Variants in MYO1C observed in about 807,000 individuals in gnomAD.
MYO1C encodes unconventional myosin-Ic.
In MYO1C, 104 loss-of-function variants were observed where a neutral mutation model predicts 150.8. The ratio of observed to expected loss-of-function variants is 0.69; its 90% CI spans 0.59 to 0.81. The LOEUF is 0.81. MYO1C is among the 30% of genes least tolerant of loss of function. MYO1C has a pLI of 0.00. For synonymous variants in MYO1C, 663 were observed against 579.9 expected (o/e 1.14, Z -2.06); for missense variants, 1,504 against 1,435.0 (o/e 1.05, Z -0.78).
Position 1,470,311 on chromosome 17 carries a change from C to T in MYO1C, c.2390G>A (p.Arg797His), listed in dbSNP as rs754269769. Residue 797 changes from arginine (R) to histidine (H), a missense_variant, in exon 24 of 32, where the codon CGC (arginine) becomes CAC (histidine). Physicochemically the swap from Arg to His is conservative, Grantham distance 29. Transcript: ENST00000648651. ...GTTCTCGGGGCAGCGGGGGGCGTGG[C>T]GCAGGACGAAGCCTCGGATGAGCCT... ...IRRLIRGFVL[R>H]HAPRCPENAF... 9.5e-5 allele frequency: 147 copies of T among 1,552,894 alleles called. 1 individual carries two copies. Among genetic ancestry groups the T allele is most frequent in the Non-Finnish European group, 1.2e-4 (142 of 1,149,762 alleles).
In MYO1C at chr17:1,467,629, C is replaced by A. The variant is rs115083063; in HGVS notation, c.2968-52G>T. The A allele has an allele frequency of 8.5e-3, 13,192 of 1,545,948 alleles. 930 individuals carry two copies. The African/African-American group carries it at 0.16, about 19-fold the overall frequency. ...CAGGCCCTGCCCAGAACTTGAGGAACCCCCGCCCCACCTCCCCATCCACCT... is the reference window on the plus strand; with the variant it reads ...CAGGCCCTGCCCAGAACTTGAGGAAACCCCGCCCCACCTCCCCATCCACCT... On this transcript the variant is annotated intron_variant, in intron 29 of 31. Coordinates refer to ENST00000648651, the MANE Select transcript of MYO1C (RefSeq NM_001080779.2).
In MYO1C at chr17:1,472,236, G is replaced by A; in HGVS notation, c.1798-8C>T. 6.2e-7 allele frequency: 1 copy of A among 1,613,638 alleles called. No homozygotes were observed. Among genetic ancestry groups the A allele is most frequent in the Non-Finnish European group, 8.5e-7 (1 of 1,179,618 alleles). On this transcript the variant is annotated splice_polypyrimidine_tract_variant and splice_region_variant and intron_variant, in intron 17 of 31. Transcript: ENST00000648651. Reference sequence around the variant, plus strand: ...CTTGAACTGGGTGGCGACCTGGCGAGCCAAGAGGCATGGGAGGTTGGCCGG... The same window carrying A: ...CTTGAACTGGGTGGCGACCTGGCGAACCAAGAGGCATGGGAGGTTGGCCGG...
chr17:1,467,644 C>T (rs1567513069), intron 29 of MYO1C, 67 bp from the exon 30 acceptor site: 1 of 1,467,450 alleles, frequency 6.8e-7, no homozygotes. Flanking sequence ...GCCCCACCTC[C>T]CCATCCACCT....
rs1181518993 is a variant in MYO1C, at chr17:1,479,355, G to A, written c.1092+76C>T. The A allele has an allele frequency of 2.6e-5, 21 of 795,134 alleles. No individual in the cohort carries two copies. The highest frequency in any genetic ancestry group is 6.7e-5 in the African/African-American group (4 of 59,294). 49.3% of individuals were successfully genotyped at this position (795,134 alleles called of 1,614,324 possible). A position where few individuals can be genotyped will look rare whatever the true frequency, so the allele number is the denominator to read the frequency against. ...TCCAGCATTGCTGAGGGAACCAGGC[G>A]AAGGGGAGTGATGGGAGTAGGGGCT... On this transcript the variant is annotated intron_variant, in intron 9 of 31. Coordinates refer to ENST00000648651, the MANE Select transcript of MYO1C (RefSeq NM_001080779.2). This position sits in a 1 kb window ranked among gnomAD's most constrained non-coding sequence, Gnocchi z 4.2.
intron 1 of MYO1C, chr17:1,484,882 A>ACCCCC: frequency 3.7e-6 from 1 of 267,224 alleles, no homozygotes; most frequent in Non-Finnish European, 7.1e-6. Context: ...TCCCACCCAG[A>ACCCCC]CCCACCCCCA....
intron 23 of MYO1C, 45 bp from the exon 24 acceptor site, chr17:1,470,379 G>T (rs1158779426): frequency 6.5e-6 from 10 of 1,544,154 alleles, no homozygotes; most frequent in Non-Finnish European, 7.9e-6. Flanking sequence ...GGGCCTGGCG[G>T]TGAACCACCC....
In MYO1C at chr17:1,470,448, G is replaced by T. The variant is rs140604493; in HGVS notation, c.2353C>A (p.Gln785Lys). ...CCTGGCGCTCACCGCCGGATGGTCT[G>T]TGCCGCCCACTTCCTCTTGGCTGCC... ...RKAAKRKWAA[Q>K]TIRRLIRGFV... Residue 785 changes from glutamine to lysine, a missense_variant, in exon 23 of 32, where the codon CAG becomes AAG. Gln to Lys is a moderately conservative substitution (Grantham distance 53, BLOSUM62 1). Transcript: ENST00000648651. 5.1e-3 allele frequency: 7,859 copies of T among 1,550,630 alleles called. 23 individuals are homozygous for T. Among genetic ancestry groups the T allele is most frequent in the Non-Finnish European group, 6.0e-3 (6,917 of 1,147,070 alleles).
At chr17:1,477,325 G>A (rs1366772833) in intron 14 of MYO1C, 180 bp downstream of exon 14, 8 of 647,008 alleles carry the variant, frequency 1.2e-5, no homozygotes, top group African/African-American at 3.6e-5. Flanking sequence ...GACTCCAGGC[G>A]TGTCAGCATG....
At chr17:1,477,774 T>C in intron 13 of MYO1C, 117 bp downstream of exon 13, 1 of 1,116,936 alleles carries the variant, frequency 9.0e-7, no homozygotes, top group Non-Finnish European at 1.4e-6. Flanking sequence ...AGCTCTGCCC[T>C]GTCTCTACTC....
In MYO1C at chr17:1,480,854, TA is replaced by T; in HGVS notation, c.658del (p.Tyr220ThrfsTer49). The T allele has an allele frequency of 6.2e-7, 1 of 1,613,896 alleles. No homozygotes were observed. Among genetic ancestry groups the T allele is most frequent in the East Asian group, 2.2e-5 (1 of 44,866 alleles). ...GAPVGGHILS[Y>X]LLEKSRVVHQ... ...CACCACTCGTGACTTTTCCAGGAGG[TA>T]ACTGAGGATGTGGCCACCCACGGGG... On this transcript the variant is annotated frameshift_variant, in exon 6 of 32. Transcript: ENST00000648651. LOFTEE classifies it high-confidence loss of function.
chr17:1,469,210 C>A (rs886626044), intron 25 of MYO1C: 1 of 402,248 alleles, frequency 2.5e-6, no homozygotes, highest in African/African-American at 2.0e-5. Flanking sequence ...ATATGGTAGG[C>A]AGGGCAAAAT....
At chr17:1,486,717 T>C (rs906420438) in intron 1 of MYO1C, among the ~76,000 whole-genome samples, 3 of 152,100 alleles carry the variant, frequency 2.0e-5, no homozygotes, top group Non-Finnish European at 4.4e-5. Flanking sequence ...GGTTTTACCA[T>C]GTTGGCCAAG....
chr17:1,485,375 T>G (rs2150965425), intron 1 of MYO1C: 9 of 160,886 alleles, frequency 5.6e-5, no homozygotes, highest in South Asian at 1.5e-4. Flanking sequence ...GGCCTGCCCC[T>G]CCCAGGCTTG....
rs1354470298 is a variant in MYO1C at position 1,478,598 on chromosome 17, T to C, written c.1212+18A>G. ...GCCCTCCCTTCTGCCTTGGGAGCAG[T>C]GTGGACCGAGCCCTCACCTTGGAGG... On this transcript the variant is annotated intron_variant, in intron 10 of 31. Transcript: ENST00000648651. The surrounding 1 kb of genome is among the most constrained non-coding windows in gnomAD (Gnocchi z 6.3). 3.1e-6 allele frequency: 5 copies of C among 1,613,698 alleles called. No homozygotes were observed. The highest frequency in any genetic ancestry group is 2.2e-5 in the East Asian group (1 of 44,872).
At chr17:1,469,765 TG>T (rs2150934461) in intron 24 of MYO1C, 151 bp from the exon 25 acceptor site, 1 of 757,526 alleles carries the variant, frequency 1.3e-6, no homozygotes, top group East Asian at 2.7e-5. Context: ...CAGGGCGCGG[TG>T]GCTCACGCCT....
chr17:1,471,625 T>C (rs1208810528), intron 19 of MYO1C, among the ~76,000 whole-genome samples: 1 of 152,158 alleles, frequency 6.6e-6, no homozygotes, highest in Non-Finnish European at 1.5e-5. Flanking sequence ...GAAGCTGCCC[T>C]ACAAGGCTTG....
Position 1,484,235 on chromosome 17 carries a change from C to T in MYO1C, c.144G>A (p.Val48=). 2 of 1,612,826 alleles carry T rather than the reference C, an allele frequency of 1.2e-6. No individual in the cohort carries two copies. The highest frequency in any genetic ancestry group is 2.2e-5 in the East Asian group (1 of 44,878). ...SALTARDRVG[V]QDFVLLENFT... is the part of the protein sequence containing the mutation. ...AGTTCTCCAGCAGCACGAAATCCTGCACCCCCACCCGGTCACGGGCGGTGA... is the reference window on the plus strand; with the variant it reads ...AGTTCTCCAGCAGCACGAAATCCTGTACCCCCACCCGGTCACGGGCGGTGA... Residue 48 remains valine, a synonymous_variant, in exon 2 of 32, where the codon GTG becomes GTA. Transcript: ENST00000648651.
rs1271242398 is a variant in MYO1C at position 1,474,556 on chromosome 17, C to A, written c.1797+54G>T. The A allele has an allele frequency of 1.7e-5, 27 of 1,570,438 alleles. No homozygotes were observed. The East Asian group carries it at 4.7e-4, about 27-fold the overall frequency. On this transcript the variant is annotated intron_variant, in intron 17 of 31. Coordinates refer to ENST00000648651, the MANE Select transcript of MYO1C (RefSeq NM_001080779.2). ...GCCAGCTCCCAGGCTCACACAGGCC[C>A]TCATGCACACTCAGGCGCATGCACC...
At chr17:1,477,425 G>A (rs973292694) in intron 14 of MYO1C, 80 bp downstream of exon 14, 64 of 1,310,546 alleles carry the variant, frequency 4.9e-5, no homozygotes, top group Non-Finnish European at 6.5e-5. Flanking sequence ...GGTGTTTTGT[G>A]ATGGCGGAGG....
Sources: gnomAD v4.1 joint callset for allele counts (sites outside exome capture counted in the v4.1 genomes callset) on GRCh38, gnomAD v4.1.1 for gene constraint, Gnocchi (gnomAD v3.1) non-coding constraint, MANE v1.5 for transcripts, NCBI Gene and HGNC (gene_info 2026-07-23, HGNC 2026-07-21) for gene names.